NKAIN1: variants seen among roughly 807,000 people sequenced by gnomAD.
NKAIN1 encodes the protein sodium/potassium-transporting ATPase subunit beta-1-interacting protein 1.
NKAIN1 carries 13 observed loss-of-function variants against 31.6 expected under a neutral mutation model. The ratio of observed to expected loss-of-function variants is 0.41; its 90% CI spans 0.27 to 0.65. NKAIN1 has a LOEUF of 0.65. Among genes scored for constraint, NKAIN1 ranks in the 30% least tolerant of loss-of-function variants. NKAIN1 has a pLI of 0.30. For missense variants in NKAIN1, 193 were observed against 262.2 expected, an observed-to-expected ratio of 0.74 and a Z score of 1.82; for synonymous variants, 104 against 109.0, an observed-to-expected ratio of 0.95 and a Z score of 0.28.
At position 31,181,679 on chromosome 1, in the gene NKAIN1, G is replaced by T. The variant is rs1298062501; in HGVS notation, c.*24C>A. On this transcript the variant is annotated 3_prime_UTR_variant, in exon 7 of 7. Transcript: ENST00000373736. ...AGCTGCGGTCAGCCCAGGGCGAGGC[G>T]CCGGGGTGGGCGCGGGGCAGAGGCT... The T allele has an allele frequency of 1.4e-6, 2 of 1,456,636 alleles. No homozygotes were observed. The highest frequency in any genetic ancestry group is 1.4e-5 in the South Asian group (1 of 69,122). The allele number at this position is 1,456,636 out of a possible 1,614,324, so 90.2% of individuals were successfully genotyped here. A position where few individuals can be genotyped will look rare whatever the true frequency, so the allele number is the denominator to read the frequency against.
intron 1 of NKAIN1, among the ~76,000 whole-genome samples, chr1:31,206,035 A>T (rs1570464011): frequency 6.7e-6 from 1 of 148,846 alleles, no homozygotes; most frequent in Non-Finnish European, 1.5e-5. Context: ...GGAGTTCGAG[A>T]CCAGCCTGAC....
At chr1:31,191,719 C>T (rs755191938) in intron 1 of NKAIN1, among the ~76,000 whole-genome samples, 7 of 152,174 alleles carry the variant, frequency 4.6e-5, no homozygotes, top group Non-Finnish European at 1.0e-4. Context: ...AGCTCCTGCC[C>T]CCAAGAGGCT....
chr1:31,219,820 G>A (rs1185028789), intron 1 of NKAIN1, among the ~76,000 whole-genome samples: 1 of 152,178 alleles, frequency 6.6e-6, no homozygotes, highest in African/African-American at 2.4e-5. Flanking sequence ...TTGTGGCCCA[G>A]CAAATTCCCC....
intron 1 of NKAIN1, among the ~76,000 whole-genome samples, chr1:31,229,984 G>A (rs559685742): frequency 2.3e-4 from 35 of 152,252 alleles, no homozygotes; most frequent in African/African-American, 7.7e-4. Context: ...ATTATCTCAG[G>A]TTGCCCTCAT....
rs530594535 is a variant in NKAIN1, at chr1:31,229,607, G to A, written c.54+9887C>T. Among the ~76,000 whole-genome samples the A allele has an allele frequency of 2.6e-5, 4 of 151,990 alleles. No individual in the cohort carries two copies. In the East Asian group the frequency reaches 5.8e-4, roughly 22 times the overall value. On this transcript the variant is annotated intron_variant, in intron 1 of 6. Coordinates refer to ENST00000373736, the MANE Select transcript of NKAIN1 (RefSeq NM_024522.3). ...GTTACCCAGGCTGGAGTGCAATGGCGTGATCTCAGCTCACCAGACAGACAG... is the reference window on the plus strand; with the variant it reads ...GTTACCCAGGCTGGAGTGCAATGGCATGATCTCAGCTCACCAGACAGACAG...
intron 1 of NKAIN1, among the ~76,000 whole-genome samples, chr1:31,231,298 G>A (rs558509635): frequency 1.4e-5 from 2 of 148,142 alleles, no homozygotes; most frequent in South Asian, 2.2e-4. Flanking sequence ...CCCACTCCCC[G>A]ACTACCTTTC....
intron 1 of NKAIN1, among the ~76,000 whole-genome samples, chr1:31,227,472 C>A (rs532043193): frequency 6.6e-6 from 1 of 152,300 alleles, no homozygotes; most frequent in Non-Finnish European, 1.5e-5. Context: ...GCTGTGCCCA[C>A]CCCACAGGGT....
intron 1 of NKAIN1, among the ~76,000 whole-genome samples, chr1:31,220,404 T>G (rs1008612062): frequency 6.6e-6 from 1 of 152,012 alleles, no homozygotes; most frequent in African/African-American, 2.4e-5. Flanking sequence ...TGAGTCCACA[T>G]GGGCAGGGAC....
intron 1 of NKAIN1, among the ~76,000 whole-genome samples, chr1:31,219,060 G>C (rs1645539405): frequency 6.6e-6 from 1 of 152,242 alleles, no homozygotes; most frequent in Non-Finnish European, 1.5e-5. Flanking sequence ...CAGGGCAGGA[G>C]CACCAATGCG....
chr1:31,235,377 C>A (rs982303410), intron 1 of NKAIN1, among the ~76,000 whole-genome samples: 1 of 151,972 alleles, frequency 6.6e-6, no homozygotes, highest in African/African-American at 2.4e-5. Flanking sequence ...AGCAAGGGAC[C>A]CAAGATGTTC....
At chr1:31,229,963 G>T (rs976305748) in intron 1 of NKAIN1, among the ~76,000 whole-genome samples, 1 of 152,148 alleles carries the variant, frequency 6.6e-6, no homozygotes, top group Admixed American at 6.6e-5. Context: ...TGTGCCCACG[G>T]CTCTCCCTGC....
Position 31,239,362 on chromosome 1 carries a change from C to G in NKAIN1, c.54+132G>C. 1 of 589,842 alleles carries G rather than the reference C, an allele frequency of 1.7e-6. No homozygotes were observed. The highest frequency in any genetic ancestry group is 2.5e-6 in the Non-Finnish European group (1 of 395,542). 36.5% of individuals were successfully genotyped at this position (589,842 alleles called of 1,614,324 possible). On this transcript the variant is annotated intron_variant, in intron 1 of 6. Transcript: ENST00000373736. This position sits in a 1 kb window ranked among gnomAD's most constrained non-coding sequence, Gnocchi z 4.8. ...GGCTCCGCCCGACCGCTCCGAGACT[C>G]CAGACCACCCCCCGCCCGGGCACAC...
intron 1 of NKAIN1, among the ~76,000 whole-genome samples, chr1:31,218,169 TCTC>T (rs1348109310): frequency 1.3e-5 from 2 of 151,592 alleles, no homozygotes; most frequent in Non-Finnish European, 2.9e-5. Context: ...TTCAAGCAAT[TCTC>T]CTGCCTCAGC....
Position 31,181,481 on chromosome 1 carries a change from C to T in NKAIN1, c.*222G>A, listed in dbSNP as rs1172925311. The T allele has an allele frequency of 1.9e-5, 8 of 420,170 alleles. No homozygotes were observed. The highest frequency in any genetic ancestry group is 4.1e-5 in the African/African-American group (2 of 48,672). The allele number at this position is 420,170 out of a possible 1,614,324, so 26.0% of individuals were successfully genotyped here. ...AACCCGTGGTGCCCCTCCCCCGCCC[C>T]GCCCCACTCCTCCGAAGTCCGGGCT... On this transcript the variant is annotated 3_prime_UTR_variant, in exon 7 of 7. Transcript: ENST00000373736.
In NKAIN1 at chr1:31,208,102, C is replaced by CATGCCACCGATG. The variant is rs966276463; in HGVS notation, c.55-19927_55-19916dup. On this transcript the variant is annotated intron_variant, in intron 1 of 6. Transcript: ENST00000373736. ...TGGAAACTCTCCCAATGGATCCGCT[C>CATGCCACCGATG]ATGCCACCGATGATGGCTGAGATGT... Among the ~76,000 whole-genome samples, 43 of 152,296 alleles carry CATGCCACCGATG rather than the reference C, an allele frequency of 2.8e-4. No homozygotes were observed. In the East Asian group the frequency reaches 8.3e-3, roughly 29 times the overall value.
At chr1:31,219,598 C>T (rs534076135) in intron 1 of NKAIN1, among the ~76,000 whole-genome samples, 11 of 152,354 alleles carry the variant, frequency 7.2e-5, no homozygotes, top group Non-Finnish European at 1.6e-4. Context: ...CACAGAAGGC[C>T]CCCTAATGCT....
intron 1 of NKAIN1, among the ~76,000 whole-genome samples, chr1:31,190,337 C>T (rs989663764): frequency 6.6e-6 from 1 of 152,162 alleles, no homozygotes; most frequent in African/African-American, 2.4e-5. Flanking sequence ...TCGGTGACTC[C>T]CCTCCCAGGG....
intron 1 of NKAIN1, among the ~76,000 whole-genome samples, chr1:31,220,527 A>G (rs1202295392): frequency 2.0e-5 from 3 of 151,830 alleles, no homozygotes; most frequent in Non-Finnish European, 4.4e-5. Flanking sequence ...AGCCGAGGCC[A>G]GTGGACTACC....
At chr1:31,190,103 G>T (rs1645274169) in intron 1 of NKAIN1, among the ~76,000 whole-genome samples, 1 of 152,226 alleles carries the variant, frequency 6.6e-6, no homozygotes, top group Admixed American at 6.5e-5. Flanking sequence ...AGAGAAGAGG[G>T]TCTGGCTGGG....
Sources: gnomAD v4.1 joint callset for allele counts (sites outside exome capture counted in the v4.1 genomes callset) on GRCh38, gnomAD v4.1.1 for gene constraint, Gnocchi (gnomAD v3.1) non-coding constraint, MANE v1.5 for transcripts, NCBI Gene and HGNC (gene_info 2026-07-23, HGNC 2026-07-21) for gene names.